Variants in SCFD1 observed in about 807,000 individuals in gnomAD.
SCFD1 encodes sec1 family domain containing 1.
Under a neutral mutation model 103.2 loss-of-function variants are expected in SCFD1, and 37 were observed. That is an observed-to-expected ratio of 0.36 (90% CI 0.28 to 0.47). SCFD1 has a LOEUF of 0.47. Among genes scored for constraint, SCFD1 ranks in the 20% least tolerant of loss-of-function variants. SCFD1 has a pLI of 1.00. For missense variants in SCFD1, 639 were observed against 761.2 expected (o/e 0.84, Z 1.89); for synonymous variants, 264 against 245.0 (o/e 1.08, Z -0.73).
intron 19 of SCFD1, among the ~76,000 whole-genome samples, chr14:30,712,388 A>G (rs1891945569): frequency 6.6e-6 from 1 of 152,234 alleles, no homozygotes; most frequent in Non-Finnish European, 1.5e-5. Context: ...AGTTACAAAT[A>G]GTCACCATAG....
chr14:30,631,726 T>C (rs1884154443), intron 3 of SCFD1, among the ~76,000 whole-genome samples: 1 of 152,164 alleles, frequency 6.6e-6, no homozygotes, highest in Non-Finnish European at 1.5e-5. Flanking sequence ...ACAAATGCAG[T>C]ACTTTATGGG....
chr14:30,649,350 A>T (rs1886181273), intron 7 of SCFD1, among the ~76,000 whole-genome samples, 178 bp from the exon 8 acceptor site: 2 of 152,154 alleles, frequency 1.3e-5, no homozygotes, highest in Non-Finnish European at 2.9e-5. Flanking sequence ...GTACCCCCTA[A>T]ATATATTTTT....
At chr14:30,732,862 A>G (rs746128719) in intron 23 of SCFD1, among the ~76,000 whole-genome samples, 8 of 152,240 alleles carry the variant, frequency 5.3e-5, no homozygotes, top group Non-Finnish European at 8.8e-5. Flanking sequence ...AACATTTGAT[A>G]ATACTAATAT....
rs139655129 is a variant in SCFD1 at position 30,639,851 on chromosome 14, T to C, written c.510T>C (p.Leu170=). ...TATTATGTAATCAAAATAAGGAGCT[T>C]GTTTCATATCGTGGTATGTAAAAAT... ...MFVLCNQNKE[L]VSYRAINRPD... The change falls in exon 6 of 25, where the codon CTT becomes CTC. Residue 170 remains leucine, a synonymous_variant. Transcript: ENST00000458591. 598 of 1,583,404 alleles carry C rather than the reference T, an allele frequency of 3.8e-4. No individual in the cohort carries two copies. Among genetic ancestry groups the C allele is most frequent in the Non-Finnish European group, 4.9e-4 (575 of 1,164,680 alleles).
intron 21 of SCFD1, among the ~76,000 whole-genome samples, chr14:30,720,302 T>G (rs1015882014): frequency 6.6e-6 from 1 of 152,144 alleles, no homozygotes; most frequent in African/African-American, 2.4e-5. Flanking sequence ...TGACTGCTAA[T>G]GGGTACAGGA....
chr14:30,705,783 C>G, intron 17 of SCFD1, 40 bp from the exon 18 acceptor site: 1 of 1,507,970 alleles, frequency 6.6e-7, no homozygotes, highest in Non-Finnish European at 9.2e-7. Context: ...AGAGTTAGTT[C>G]TAATAATTAG....
At chr14:30,728,909 A>G (rs1163009730) in intron 23 of SCFD1, among the ~76,000 whole-genome samples, 4 of 144,106 alleles carry the variant, frequency 2.8e-5, no homozygotes, top group African/African-American at 5.3e-5. Flanking sequence ...CAGTGGCGCA[A>G]TTTTGGCTCA....
At chr14:30,661,602 A>G (rs917750307) in intron 10 of SCFD1, among the ~76,000 whole-genome samples, 8 of 152,090 alleles carry the variant, frequency 5.3e-5, no homozygotes, top group Non-Finnish European at 1.2e-4. Flanking sequence ...GAAATTGTTT[A>G]TTGGTTGTGT....
chr14:30,646,727 T>G (rs939281351), intron 7 of SCFD1, among the ~76,000 whole-genome samples: 1 of 152,172 alleles, frequency 6.6e-6, no homozygotes, highest in Non-Finnish European at 1.5e-5. Flanking sequence ...TGTTAGAATT[T>G]GGCTGTGAAT....
intron 23 of SCFD1, among the ~76,000 whole-genome samples, chr14:30,734,049 G>A (rs919406590): frequency 3.3e-5 from 5 of 152,174 alleles, no homozygotes; most frequent in Non-Finnish European, 7.4e-5. Context: ...TCTCAGAGAT[G>A]GCCATCTAGG....
At chr14:30,640,995 A>G (rs1007337628) in intron 6 of SCFD1, among the ~76,000 whole-genome samples, 3 of 152,162 alleles carry the variant, frequency 2.0e-5, no homozygotes, top group Non-Finnish European at 4.4e-5. Flanking sequence ...ATGTTACAAT[A>G]TGAGCTAATT....
chr14:30,674,060 T>A, intron 13 of SCFD1, 63 bp downstream of exon 13: 1 of 1,170,164 alleles, frequency 8.5e-7, no homozygotes, highest in Non-Finnish European at 1.2e-6. Context: ...TTTATTTAAC[T>A]AAAAAATTGT....
intron 23 of SCFD1, among the ~76,000 whole-genome samples, chr14:30,733,700 A>G (rs1232626966): frequency 1.1e-4 from 17 of 152,234 alleles, no homozygotes; most frequent in Non-Finnish European, 2.5e-4. Flanking sequence ...GCATTGTTTA[A>G]TAGAAAATGT....
chr14:30,724,019 C>T (rs1892839016), intron 23 of SCFD1, among the ~76,000 whole-genome samples: 1 of 136,952 alleles, frequency 7.3e-6, no homozygotes, highest in South Asian at 2.3e-4. Context: ...CATCGTGTTC[C>T]AAAAAGGGAT....
chr14:30,684,453 G>C (rs1360483911), intron 14 of SCFD1, among the ~76,000 whole-genome samples: 1 of 152,196 alleles, frequency 6.6e-6, no homozygotes, highest in Non-Finnish European at 1.5e-5. Context: ...ATGTATGTAT[G>C]TGCGCACAGC....
intron 23 of SCFD1, among the ~76,000 whole-genome samples, chr14:30,730,740 C>G (rs1893396425): frequency 6.6e-6 from 1 of 152,112 alleles, no homozygotes; most frequent in Non-Finnish European, 1.5e-5. Flanking sequence ...TTTGTAGATT[C>G]TGGATATTAG....
In SCFD1 at chr14:30,700,251, C is replaced by T. The variant is rs902110376; in HGVS notation, c.1403C>T (p.Pro468Leu). ...TATTATATAAGCACACAGCAAGCAC[C>T]TTCTGAGGTATGTCCTTTATTCAGT... Reference protein sequence around the residue: ...LIYYISTQQAPSEADLEQYKK... With the variant: ...LIYYISTQQALSEADLEQYKK... Residue 468 changes from proline to leucine, a missense_variant, in exon 16 of 25, where the codon CCT (proline) becomes CTT (leucine). Transcript: ENST00000458591. 1.3e-6 allele frequency: 2 copies of T among 1,599,166 alleles called. No homozygotes were observed. The highest frequency in any genetic ancestry group is 1.7e-6 in the Non-Finnish European group (2 of 1,166,734).
intron 7 of SCFD1, 55 bp downstream of exon 7, chr14:30,643,460 T>TTTAC: frequency 8.5e-7 from 1 of 1,178,044 alleles, no homozygotes; most frequent in Non-Finnish European, 1.3e-6. Flanking sequence ...TAACAAGTAA[T>TTTAC]TTTAATGTAT....
At chr14:30,735,521 T>A in intron 24 of SCFD1, 65 bp from the exon 25 acceptor site, 1 of 1,105,350 alleles carries the variant, frequency 9.0e-7, no homozygotes, top group Non-Finnish European at 1.4e-6. Context: ...TTTACAAATA[T>A]GTTTGAATGT....
Sources: allele counts gnomAD v4.1 joint callset (sites outside exome capture counted in the v4.1 genomes callset), GRCh38; gene constraint gnomAD v4.1.1; transcripts MANE v1.5; gene names NCBI Gene and HGNC (gene_info 2026-07-23, HGNC 2026-07-21).